Variants in CSTF3 observed in about 807,000 individuals in gnomAD.
CSTF3 encodes the protein cleavage stimulation factor subunit 3.
A neutral mutation model predicts 105.8 loss-of-function variants in CSTF3; 29 were observed. The ratio of observed to expected loss-of-function variants is 0.27; its 90% CI spans 0.20 to 0.37. The LOEUF (loss-of-function observed/expected upper bound fraction) is 0.37, where lower values mean the gene tolerates loss of function less well. Among genes scored for constraint, CSTF3 ranks in the 10% least tolerant of loss-of-function variants. The pLI is 1.00. For missense variants in CSTF3, 357 were observed against 879.3 expected (o/e 0.41, Z 7.51); for synonymous variants, 252 against 281.9 (o/e 0.89, Z 1.06).
intron 1 of CSTF3, among the ~76,000 whole-genome samples, chr11:33,156,251 GGAAAAAA>G (rs1849864277): frequency 6.6e-6 from 1 of 152,094 alleles, no homozygotes; most frequent in Non-Finnish European, 1.5e-5. Flanking sequence ...GAAAGATTTT[GGAAAAAA>G]TAAATCCAAA....
intron 3 of CSTF3, among the ~76,000 whole-genome samples, chr11:33,122,314 A>G (rs1382339819): frequency 6.6e-6 from 1 of 152,202 alleles, no homozygotes; most frequent in Non-Finnish European, 1.5e-5. Flanking sequence ...CATGATTTTG[A>G]TATCTCTATA....
chr11:33,109,741 C>T (rs994275601), intron 3 of CSTF3, among the ~76,000 whole-genome samples: 8 of 152,070 alleles, frequency 5.3e-5, no homozygotes, highest in Non-Finnish European at 1.0e-4. Flanking sequence ...CTCAGCATGC[C>T]CTTTGAACCC....
intron 3 of CSTF3, among the ~76,000 whole-genome samples, chr11:33,120,403 C>G (rs1855474649): frequency 6.6e-6 from 1 of 151,682 alleles, no homozygotes; most frequent in Admixed American, 6.6e-5. Context: ...ATAATAAACA[C>G]ATATATTACC....
chr11:33,106,141 G>C, intron 5 of CSTF3, 77 bp from the exon 6 acceptor site: 1 of 1,100,110 alleles, frequency 9.1e-7, no homozygotes, highest in Non-Finnish European at 1.4e-6. Context: ...CAGACATGGT[G>C]GCTCATGCCT....
chr11:33,104,697 T>A (rs569345304), intron 8 of CSTF3, among the ~76,000 whole-genome samples: 1 of 152,206 alleles, frequency 6.6e-6, no homozygotes, highest in East Asian at 1.9e-4. Context: ...CCCAGGAAGT[T>A]GAGACTGCAA....
At chr11:33,120,039 C>G (rs748848167) in intron 3 of CSTF3, among the ~76,000 whole-genome samples, 1 of 151,710 alleles carries the variant, frequency 6.6e-6, no homozygotes, top group African/African-American at 2.4e-5. Context: ...GCAACAGCAA[C>G]CTTTGATAGT....
Position 33,161,471 on chromosome 11 carries a change from A to C in CSTF3, c.-146T>G. 1 of 740,290 alleles carries C rather than the reference A, an allele frequency of 1.4e-6. No homozygotes were observed. The highest frequency in any genetic ancestry group is 2.2e-6 in the Non-Finnish European group (1 of 444,488). The allele number at this position is 740,290 out of a possible 1,614,324, so 45.9% of individuals were successfully genotyped here. A position where few individuals can be genotyped will look rare whatever the true frequency, so the allele number is the denominator to read the frequency against. On this transcript the variant is annotated 5_prime_UTR_variant, in exon 1 of 21. The change creates a new upstream start codon in the 5' untranslated region. Coordinates refer to ENST00000323959, the MANE Select transcript of CSTF3 (RefSeq NM_001326.3). ...AACACCAATCGCCACCGCCCACTCA[A>C]ATATGAATTAAAATGGCTGCGCCCC...
intron 1 of CSTF3, among the ~76,000 whole-genome samples, chr11:33,159,595 C>CAAA (rs71034656): frequency 0.077 from 2,909 of 37,862 alleles, 615 homozygotes; most frequent in African/African-American, 0.25. Context: ...GGCTCCATCT[C>CAAA]AAAAAAAAAA....
chr11:33,110,935 T>C (rs1383489397), intron 3 of CSTF3, among the ~76,000 whole-genome samples: 1 of 151,954 alleles, frequency 6.6e-6, no homozygotes, highest in African/African-American at 2.4e-5. Flanking sequence ...ATCTATCCTA[T>C]AAAAATAAAA....
chr11:33,143,882 C>A (rs979663710), intron 1 of CSTF3, among the ~76,000 whole-genome samples: 1 of 151,674 alleles, frequency 6.6e-6, no homozygotes, highest in African/African-American at 2.4e-5. Context: ...CCCAGCTACT[C>A]GGGAGGCTAA....
At chr11:33,161,235 A>T (rs1849938102) in intron 1 of CSTF3, 64 bp downstream of exon 1, 4 of 1,585,102 alleles carry the variant, frequency 2.5e-6, no homozygotes, top group Non-Finnish European at 3.5e-6. Context: ...ACATGTCTGG[A>T]GCAGTCGGAG....
chr11:33,097,173 A>G (rs1458760761), intron 13 of CSTF3, among the ~76,000 whole-genome samples, 195 bp from the exon 14 acceptor site: 3 of 152,260 alleles, frequency 2.0e-5, no homozygotes, highest in African/African-American at 7.2e-5. Flanking sequence ...TAATTCACAT[A>G]GCACAAAATT....
intron 3 of CSTF3, among the ~76,000 whole-genome samples, chr11:33,134,860 G>A (rs1258447634): frequency 6.6e-6 from 1 of 152,064 alleles, no homozygotes; most frequent in African/African-American, 2.4e-5. Flanking sequence ...TTATTTGTGA[G>A]AAAACATCCC....
At chr11:33,115,483 T>G (rs1369045434) in intron 3 of CSTF3, among the ~76,000 whole-genome samples, 1 of 152,218 alleles carries the variant, frequency 6.6e-6, no homozygotes, top group African/African-American at 2.4e-5. Context: ...CAGAATATTC[T>G]TCTTTCCACC....
intron 5 of CSTF3, 74 bp downstream of exon 5, chr11:33,107,829 A>G: frequency 1.3e-6 from 1 of 785,586 alleles, no homozygotes; most frequent in Non-Finnish European, 2.1e-6. Flanking sequence ...GGGCTAACAG[A>G]AGGTGTGAGT....
intron 3 of CSTF3, among the ~76,000 whole-genome samples, chr11:33,121,749 C>T (rs1219716141): frequency 2.0e-5 from 3 of 152,136 alleles, no homozygotes; most frequent in Admixed American, 6.5e-5. Flanking sequence ...GTGATACTTT[C>T]ACCAGCAAAT....
At chr11:33,151,608 C>CT (rs1258976131) in intron 1 of CSTF3, among the ~76,000 whole-genome samples, 1 of 152,142 alleles carries the variant, frequency 6.6e-6, no homozygotes, top group African/African-American at 2.4e-5. Flanking sequence ...AGCCGATGGA[C>CT]TTTGGATTGT....
At chr11:33,161,252 A>G in intron 1 of CSTF3, 47 bp downstream of exon 1, 1 of 1,608,684 alleles carries the variant, frequency 6.2e-7, no homozygotes. Flanking sequence ...GGAGGAACAG[A>G]CGTGGAGAAG....
intron 3 of CSTF3, among the ~76,000 whole-genome samples, chr11:33,126,148 T>G (rs1855540334): frequency 6.6e-6 from 1 of 152,128 alleles, no homozygotes; most frequent in South Asian, 2.1e-4. Flanking sequence ...AAAAGTAATC[T>G]ATTAAAGAAG....
Sources: allele counts gnomAD v4.1 joint callset (sites outside exome capture counted in the v4.1 genomes callset), GRCh38; gene constraint gnomAD v4.1.1; transcripts MANE v1.5; gene names NCBI Gene and HGNC (gene_info 2026-07-23, HGNC 2026-07-21).